CCSER1: variants seen among roughly 807,000 people sequenced by gnomAD.
CCSER1 encodes serine-rich coiled-coil domain-containing protein 1.
CCSER1 carries 41 observed loss-of-function variants against 82.0 expected under a neutral mutation model. That is an observed-to-expected ratio of 0.50 (90% CI 0.39 to 0.65). The LOEUF (loss-of-function observed/expected upper bound fraction) is 0.65, where lower values mean the gene tolerates loss of function less well. Among genes scored for constraint, CCSER1 ranks in the 30% least tolerant of loss-of-function variants. The probability of loss-of-function intolerance (pLI) is 0.00; values close to 1 mark genes in which losing one functional copy is unlikely to be tolerated. For synonymous variants in CCSER1, 414 were observed against 383.9 expected, an observed-to-expected ratio of 1.08 and a Z score of -0.92; for missense variants, 1,119 against 1,064.2, an observed-to-expected ratio of 1.05 and a Z score of -0.72.
chr4:91,325,025 A>AAT, intron 10 of CCSER1: 1 of 373,500 alleles, frequency 2.7e-6, no homozygotes, highest in Non-Finnish European at 5.2e-6. Flanking sequence ...AGTGATAGTG[A>AAT]ATGGAAATGC....
intron 6 of CCSER1, among the ~76,000 whole-genome samples, chr4:90,709,013 A>G (rs1408860873): frequency 6.6e-6 from 1 of 152,198 alleles, no homozygotes; most frequent in Non-Finnish European, 1.5e-5. Context: ...GTGCATTTAA[A>G]GAAATATTCA....
chr4:91,097,216 G>T (rs965075976), intron 10 of CCSER1, among the ~76,000 whole-genome samples: 3 of 152,126 alleles, frequency 2.0e-5, no homozygotes, highest in African/African-American at 7.2e-5. Flanking sequence ...ATGATGAAGA[G>T]AACTAATAAT....
chr4:90,745,515 A>G (rs1435034042), intron 7 of CCSER1, among the ~76,000 whole-genome samples: 1 of 152,052 alleles, frequency 6.6e-6, no homozygotes, highest in Admixed American at 6.6e-5. Context: ...TAAGATCAGG[A>G]TTTTATTTCT....
At chr4:91,438,857 G>A (rs942984355) in intron 10 of CCSER1, among the ~76,000 whole-genome samples, 7 of 152,126 alleles carry the variant, frequency 4.6e-5, no homozygotes, top group Admixed American at 1.3e-4. Context: ...GAGCCAATGC[G>A]ATCAACTGGA....
At chr4:90,600,503 T>G (rs914659051) in intron 5 of CCSER1, among the ~76,000 whole-genome samples, 3 of 152,112 alleles carry the variant, frequency 2.0e-5, no homozygotes, top group Non-Finnish European at 4.4e-5. Flanking sequence ...ATCTTTTTCC[T>G]ATTTGAAAAA....
intron 9 of CCSER1, among the ~76,000 whole-genome samples, chr4:91,030,910 T>C (rs1193515984): frequency 6.6e-6 from 1 of 152,170 alleles, no homozygotes; most frequent in Non-Finnish European, 1.5e-5. Flanking sequence ...TTTTGGTATC[T>C]GGTTAGTCAC....
At chr4:90,307,783 G>T (rs1734581693) in intron 1 of CCSER1, among the ~76,000 whole-genome samples, 1 of 152,226 alleles carries the variant, frequency 6.6e-6, no homozygotes, top group Non-Finnish European at 1.5e-5. Context: ...TGAGTCGTGT[G>T]GTGTAAAATG....
At chr4:91,335,889 A>G (rs2149281668) in intron 10 of CCSER1, among the ~76,000 whole-genome samples, 1 of 152,230 alleles carries the variant, frequency 6.6e-6, no homozygotes, top group East Asian at 1.9e-4. Context: ...TGAGTTTTGT[A>G]TACATTTACG....
chr4:90,522,275 C>T (rs1332893156), intron 5 of CCSER1, among the ~76,000 whole-genome samples: 2 of 152,116 alleles, frequency 1.3e-5, no homozygotes, highest in African/African-American at 2.4e-5. Context: ...CTCTTATTCC[C>T]ACACCTCAGT....
intron 10 of CCSER1, among the ~76,000 whole-genome samples, chr4:91,291,158 G>A (rs1308983364): frequency 6.6e-6 from 1 of 151,712 alleles, no homozygotes; most frequent in Admixed American, 6.6e-5. Context: ...TTAAAGTGTT[G>A]GATCCTTCCT....
At chr4:91,308,825 A>T (rs1171950512) in intron 10 of CCSER1, among the ~76,000 whole-genome samples, 2 of 151,872 alleles carry the variant, frequency 1.3e-5, no homozygotes, top group Admixed American at 6.6e-5. Flanking sequence ...GGAGCCCTAG[A>T]TTTTTTTTAA....
Position 90,164,258 on chromosome 4 carries a change from G to GT in CCSER1, c.-42+36440dup, listed in dbSNP as rs200535473. Among the ~76,000 whole-genome samples the GT allele has an allele frequency of 1.4e-3, 204 of 144,958 alleles. 1 individual carries two copies. Among genetic ancestry groups the GT allele is most frequent in the Middle Eastern group, 7.1e-3 (2 of 282 alleles). On this transcript the variant is annotated intron_variant, in intron 1 of 10. Coordinates refer to ENST00000509176, the MANE Select transcript of CCSER1 (RefSeq NM_001145065.2). ...AGCTACAATTTCCTACATTCTTAAG[G>GT]TTTTTTTTTTTTTCTTCAAATTTTG...
intron 4 of CCSER1, among the ~76,000 whole-genome samples, chr4:90,401,434 A>T (rs10033346): frequency 0.07 from 10,670 of 152,316 alleles, 517 homozygotes; most frequent in African/African-American, 0.14. Flanking sequence ...CATCAATAGG[A>T]TACTTGTTGA....
At chr4:90,580,174 T>G (rs1781269335) in intron 5 of CCSER1, among the ~76,000 whole-genome samples, 1 of 152,156 alleles carries the variant, frequency 6.6e-6, no homozygotes, top group South Asian at 2.1e-4. Context: ...TATACACACA[T>G]ATATAATTAT....
At chr4:90,940,402 C>A (rs1418045958) in intron 9 of CCSER1, among the ~76,000 whole-genome samples, 2 of 151,424 alleles carry the variant, frequency 1.3e-5, no homozygotes, top group Non-Finnish European at 2.9e-5. Flanking sequence ...GTTTACATAT[C>A]AATAATTTTA....
chr4:90,945,448 T>C (rs1318076262), intron 9 of CCSER1, among the ~76,000 whole-genome samples: 2 of 152,212 alleles, frequency 1.3e-5, no homozygotes, highest in African/African-American at 4.8e-5. Context: ...CTCAAAATAC[T>C]TCAGATGTTG....
At chr4:90,589,943 G>A (rs1244858858) in intron 5 of CCSER1, among the ~76,000 whole-genome samples, 2 of 152,148 alleles carry the variant, frequency 1.3e-5, no homozygotes, top group Non-Finnish European at 2.9e-5. Flanking sequence ...TGGCCAGATT[G>A]TATGGTGTCT....
chr4:91,348,628 A>G (rs1003695646), intron 10 of CCSER1, among the ~76,000 whole-genome samples: 2 of 152,164 alleles, frequency 1.3e-5, no homozygotes, highest in Non-Finnish European at 2.9e-5. Context: ...TACTGATCCA[A>G]TTTTTTAAAT....
chr4:90,297,583 G>A (rs1732209319), intron 1 of CCSER1, among the ~76,000 whole-genome samples: 1 of 148,414 alleles, frequency 6.7e-6, no homozygotes, highest in East Asian at 2.0e-4. Context: ...GTTTTCAAAG[G>A]GAATGCTTCC....
Sources: allele counts gnomAD v4.1 joint callset (sites outside exome capture counted in the v4.1 genomes callset), GRCh38; gene constraint gnomAD v4.1.1; transcripts MANE v1.5; gene names NCBI Gene and HGNC (gene_info 2026-07-23, HGNC 2026-07-21).